FSCN3: variants seen among roughly 807,000 people sequenced by gnomAD.
FSCN3 encodes the protein fascin actin-bundling protein 3.
Under a neutral mutation model 53.5 loss-of-function variants are expected in FSCN3, and 43 were observed. The ratio of observed to expected loss-of-function variants is 0.80; its 90% CI spans 0.63 to 1.04. The LOEUF is 1.04. Ranked by LOEUF, FSCN3 falls within the 50% of genes least tolerant of loss-of-function variation. The pLI is 0.00. For missense variants in FSCN3, 594 were observed against 646.5 expected, an observed-to-expected ratio of 0.92 and a Z score of 0.88; for synonymous variants, 235 against 246.6, an observed-to-expected ratio of 0.95 and a Z score of 0.44.
rs1246075105 is a variant in FSCN3 at position 127,598,449 on chromosome 7, A to C, written c.975A>C (p.Ala325=). 6.2e-7 allele frequency: 1 copy of C among 1,614,012 alleles called. No homozygotes were observed. The highest frequency in any genetic ancestry group is 8.5e-7 in the Non-Finnish European group (1 of 1,179,882). ...GYYLSQRRHR[A]VMADGHPLES... ...ATTCTTTCCAGAGGCGCCACAGGGC[A>C]GTAATGGCTGATGGGCACCCCCTGG... The change falls in exon 4 of 7, where the codon GCA becomes GCC. Residue 325 remains alanine, a synonymous_variant. Transcript: ENST00000265825.
rs1476895689 is a variant in FSCN3, at chr7:127,596,322, C to G, written c.842-6C>G. On this transcript the variant is annotated splice_region_variant and splice_polypyrimidine_tract_variant and intron_variant, in intron 2 of 6. Coordinates refer to ENST00000265825, the MANE Select transcript of FSCN3 (RefSeq NM_020369.3). ...AGGCTTTTACTGACATGCGCTTCCT[C>G]TGCAGATGGTGAGGTGCGTGCTGCT... 1 of 1,598,350 alleles carries G rather than the reference C, an allele frequency of 6.3e-7. No individual in the cohort carries two copies. The highest frequency in any genetic ancestry group is 8.6e-7 in the Non-Finnish European group (1 of 1,165,832).
Position 127,599,528 on chromosome 7 carries a change from G to A in FSCN3, c.1268G>A (p.Arg423Gln), listed in dbSNP as rs201240741. Residue 423 changes from arginine to glutamine, a missense_variant, in exon 5 of 7, where the codon CGA becomes CAA. Arg to Gln is a conservative substitution (Grantham distance 43). Coordinates refer to ENST00000265825, the MANE Select transcript of FSCN3 (RefSeq NM_020369.3). ...GACCGCATTCATCTACTACCCTGCC[G>A]ACCGGGTATCTACCACTTCCAGGGT... The part of the protein sequence containing the change: ...QPDRIHLLPC[R>Q]PGIYHFQAQG... 2.6e-4 allele frequency: 413 copies of A among 1,613,850 alleles called. No homozygotes were observed. Among genetic ancestry groups the A allele is most frequent in the Non-Finnish European group, 3.1e-4 (371 of 1,179,962 alleles).
intron 1 of FSCN3, chr7:127,595,028 G>C (rs1385974445): frequency 1.8e-6 from 1 of 556,156 alleles, no homozygotes; most frequent in Non-Finnish European, 3.2e-6. Flanking sequence ...AAGGAGGGAG[G>C]GTTTACCTTC....
In FSCN3 at chr7:127,593,774, C is replaced by A; in HGVS notation, c.-80C>A. On this transcript the variant is annotated 5_prime_UTR_variant, in exon 1 of 7. Transcript: ENST00000265825. ...TCTGGTGGGTACTACAGGCCCTATT[C>A]CAGGCCCTATGGCCTGTGGAACCTC... The A allele has an allele frequency of 1.4e-6, 2 of 1,476,602 alleles. No individual in the cohort carries two copies. The highest frequency in any genetic ancestry group is 1.8e-6 in the Non-Finnish European group (2 of 1,087,166). 91.5% of individuals were successfully genotyped at this position (1,476,602 alleles called of 1,614,324 possible).
chr7:127,595,155 G>A, intron 1 of FSCN3, 152 bp from the exon 2 acceptor site: 1 of 652,716 alleles, frequency 1.5e-6, no homozygotes, highest in Non-Finnish European at 2.6e-6. Context: ...TGGAAGAGCT[G>A]ACAGCAAGGA....
chr7:127,599,576 A>G, intron 5 of FSCN3, 25 bp downstream of exon 5: 1 of 1,608,108 alleles, frequency 6.2e-7, no homozygotes, highest in Non-Finnish European at 8.5e-7. Flanking sequence ...TTCCCTGCCC[A>G]AGGGTTCACA....
chr7:127,599,862 G>A (rs1165701602), intron 5 of FSCN3, among the ~76,000 whole-genome samples: 3 of 151,166 alleles, frequency 2.0e-5, no homozygotes, highest in African/African-American at 4.9e-5. Flanking sequence ...GGAGAATGGC[G>A]TGAACCCAGG....
At chr7:127,596,601 T>A in intron 3 of FSCN3, 155 bp downstream of exon 3, 1 of 430,458 alleles carries the variant, frequency 2.3e-6, no homozygotes, top group Non-Finnish European at 4.1e-6. Flanking sequence ...TGGGGGCTCC[T>A]TTAAAAAAAA....
Position 127,600,232 on chromosome 7 carries a change from A to G in FSCN3, c.1330A>G (p.Thr444Ala), listed in dbSNP as rs1035378075. Reference sequence around the variant, plus strand: ...CTTCTGGTCAATAACATCCTTTGGCACCTTTCGCCCTTGGGGCAAGTTTGC... The same window carrying G: ...CTTCTGGTCAATAACATCCTTTGGCGCCTTTCGCCCTTGGGGCAAGTTTGC... ...GSFWSITSFG[T>A]FRPWGKFALN... The change falls in exon 6 of 7, where the codon ACC (threonine) becomes GCC (alanine). Residue 444 changes from threonine to alanine, a missense_variant. Transcript: ENST00000265825. 6.2e-7 allele frequency: 1 copy of G among 1,610,832 alleles called. No homozygotes were observed. The highest frequency in any genetic ancestry group is 1.3e-5 in the African/African-American group (1 of 74,862).
chr7:127,595,608 A>G lies in FSCN3; in HGVS notation c.446A>G (p.Tyr149Cys). 1 of 1,613,802 alleles carries G rather than the reference A, an allele frequency of 6.2e-7. No homozygotes were observed. Among genetic ancestry groups the G allele is most frequent in the East Asian group, 2.2e-5 (1 of 44,852 alleles). Residue 149 changes from tyrosine to cysteine, a missense_variant, in exon 2 of 7, where the codon TAC (tyrosine) becomes TGC (cysteine). Transcript: ENST00000265825. ...RPALHVHVIL[Y>C]SPIHRCYARA... ...GCCCTCCATGTCCACGTGATCCTCT[A>G]CAGCCCCATCCACCGCTGCTATGCC...
intron 3 of FSCN3, among the ~76,000 whole-genome samples, chr7:127,596,795 C>T (rs755964220): frequency 2.6e-5 from 4 of 152,264 alleles, no homozygotes; most frequent in South Asian, 2.1e-4. Context: ...GCAACCATGC[C>T]GTAAGCATAT....
At chr7:127,594,839 C>T (rs750561423) in intron 1 of FSCN3, 71 of 472,240 alleles carry the variant, frequency 1.5e-4, no homozygotes, top group South Asian at 1.1e-3. Flanking sequence ...ATCTTCATCC[C>T]TGGAGCCAGG....
chr7:127,594,424 C>T (rs1260522651), intron 1 of FSCN3: 21 of 467,176 alleles, frequency 4.5e-5, no homozygotes, highest in African/African-American at 1.0e-4. Context: ...CAATTTATTC[C>T]GCAAGGTGAA....
At chr7:127,598,953 C>G (rs1587542384) in intron 4 of FSCN3, among the ~76,000 whole-genome samples, 1 of 147,624 alleles carries the variant, frequency 6.8e-6, no homozygotes, top group Non-Finnish European at 1.5e-5. Flanking sequence ...GAGCGAGACT[C>G]TATCTCCAAA....
intron 3 of FSCN3, among the ~76,000 whole-genome samples, chr7:127,598,195 C>T (rs1335238348): frequency 6.6e-6 from 1 of 152,186 alleles, no homozygotes; most frequent in African/African-American, 2.4e-5. Flanking sequence ...TTATTTCTCT[C>T]CCTATGATAT....
intron 2 of FSCN3, 87 bp downstream of exon 2, chr7:127,596,090 G>C (rs1000390954): frequency 2.0e-6 from 3 of 1,486,484 alleles, no homozygotes; most frequent in Non-Finnish European, 1.8e-6. Flanking sequence ...ACAGATTTTT[G>C]AGTCTGCTAA....
intron 5 of FSCN3, among the ~76,000 whole-genome samples, chr7:127,599,949 A>C (rs1794447946): frequency 6.6e-6 from 1 of 151,814 alleles, no homozygotes; most frequent in Non-Finnish European, 1.5e-5. Context: ...CGTTTCCAAA[A>C]AAAAAAAAAA....
At chr7:127,598,305 A>G (rs1303159977) in intron 3 of FSCN3, 130 bp from the exon 4 acceptor site, 1 of 846,862 alleles carries the variant, frequency 1.2e-6, no homozygotes, top group Non-Finnish European at 1.9e-6. Context: ...TTCTGAAAGC[A>G]TCAACTCTGG....
intron 6 of FSCN3, 43 bp downstream of exon 6, chr7:127,600,442 A>G (rs898800257): frequency 3.3e-6 from 4 of 1,221,502 alleles, no homozygotes; most frequent in African/African-American, 3.0e-5. Context: ...AGCAGAAGCC[A>G]TGGGGCAAGA....
Sources: allele counts gnomAD v4.1 joint callset (sites outside exome capture counted in the v4.1 genomes callset), GRCh38; gene constraint gnomAD v4.1.1; transcripts MANE v1.5; gene names NCBI Gene and HGNC (gene_info 2026-07-23, HGNC 2026-07-21).